PRKCE: variants seen among roughly 807,000 people sequenced by gnomAD.
PRKCE encodes protein kinase C epsilon.
PRKCE carries 16 observed loss-of-function variants against 85.4 expected under a neutral mutation model. The ratio of observed to expected loss-of-function variants is 0.19; its 90% CI spans 0.13 to 0.28. The LOEUF (loss-of-function observed/expected upper bound fraction) is 0.28, where lower values mean the gene tolerates loss of function less well. Among genes scored for constraint, PRKCE ranks in the 10% least tolerant of loss-of-function variants. PRKCE has a pLI of 1.00. For synonymous variants in PRKCE, 388 were observed against 371.5 expected (o/e 1.04, Z -0.51); for missense variants, 573 against 975.2 (o/e 0.59, Z 5.49).
At chr2:45,865,806 C>CTTCTTCTTT (rs1693547349) in intron 2 of PRKCE, among the ~76,000 whole-genome samples, 1 of 122,986 alleles carries the variant, frequency 8.1e-6, no homozygotes, top group Non-Finnish European at 1.7e-5. Flanking sequence ...TAAGTTTCTT[C>CTTCTTCTTT]TTCTTCTTCT....
intron 2 of PRKCE, among the ~76,000 whole-genome samples, chr2:45,942,977 T>C (rs1464901957): frequency 2.0e-5 from 3 of 152,240 alleles, no homozygotes; most frequent in African/African-American, 4.8e-5. Flanking sequence ...CTGCTGCTGT[T>C]CTTAATATAC....
intron 1 of PRKCE, among the ~76,000 whole-genome samples, chr2:45,748,734 G>A (rs1683326857): frequency 6.6e-6 from 1 of 152,162 alleles, no homozygotes; most frequent in Non-Finnish European, 1.5e-5. Context: ...GATTCAGGGG[G>A]AAGGGATGAT....
At position 45,934,889 on chromosome 2, in the gene PRKCE, CAA is replaced by C. The variant is rs35925836; in HGVS notation, c.413-41525_413-41524del. On this transcript the variant is annotated intron_variant, in intron 2 of 14. Transcript: ENST00000306156. ...GCAACATGGAGAGACCATGTCTCTA[CAA>C]AAAAAAAAAAAAAATTTAAATTAGC... 6.4e-5 allele frequency among the ~76,000 whole-genome samples: 7 copies of C among 108,858 alleles called. No homozygotes were observed. The East Asian group carries it at 1.8e-3, about 27-fold the overall frequency. 71.4% of individuals were successfully genotyped at this position (108,858 alleles called of 152,430 possible).
In PRKCE at chr2:46,159,954, C is replaced by T; in HGVS notation, c.2067+202C>T. ...ATTGAAAACATGTAACCTACTACAG[C>T]AGCACCCAAGATGATGATTTACGTG... On this transcript the variant is annotated intron_variant, in intron 14 of 14. Transcript: ENST00000306156. The surrounding 1 kb of genome is among the most constrained non-coding windows in gnomAD (Gnocchi z 4.1). 1.8e-6 allele frequency: 1 copy of T among 548,156 alleles called. No homozygotes were observed. The highest frequency in any genetic ancestry group is 3.1e-6 in the Non-Finnish European group (1 of 326,262). The allele number at this position is 548,156 out of a possible 1,614,324, so 34.0% of individuals were successfully genotyped here.
intron 14 of PRKCE, among the ~76,000 whole-genome samples, chr2:46,161,673 G>C (rs1166229802): frequency 6.6e-6 from 1 of 152,006 alleles, no homozygotes; most frequent in African/African-American, 2.4e-5. Flanking sequence ...GGAAGCCAGG[G>C]GGTTTTTATT....
At chr2:46,167,758 G>A (rs1156814959) in intron 14 of PRKCE, 2 of 113,082 alleles carry the variant, frequency 1.8e-5, no homozygotes, top group Non-Finnish European at 1.8e-5. Flanking sequence ...CCGCCCCCCG[G>A]TCCCCTGCTT....
chr2:45,990,553 C>T (rs1174241129), intron 6 of PRKCE, among the ~76,000 whole-genome samples: 1 of 152,222 alleles, frequency 6.6e-6, no homozygotes, highest in Non-Finnish European at 1.5e-5. Context: ...ATGGGGTCTA[C>T]CCTGACCACT....
At chr2:45,795,395 G>A (rs1252368966) in intron 1 of PRKCE, among the ~76,000 whole-genome samples, 6 of 152,024 alleles carry the variant, frequency 3.9e-5, no homozygotes, top group Non-Finnish European at 8.8e-5. Flanking sequence ...TGCAACCTCC[G>A]CCTCCCGGGT....
At chr2:45,899,880 T>A (rs1438101105) in intron 2 of PRKCE, among the ~76,000 whole-genome samples, 1 of 152,242 alleles carries the variant, frequency 6.6e-6, no homozygotes, top group East Asian at 1.9e-4. Context: ...TTTTCATTTC[T>A]TGGTTATATT....
chr2:46,147,489 A>C (rs950761460), intron 12 of PRKCE, among the ~76,000 whole-genome samples: 1 of 152,238 alleles, frequency 6.6e-6, no homozygotes, highest in Non-Finnish European at 1.5e-5. Flanking sequence ...CATGAAAAGC[A>C]GTCCATTGGT....
chr2:45,858,375 G>GT (rs5830876), intron 2 of PRKCE, among the ~76,000 whole-genome samples: 35,426 of 150,750 alleles, frequency 0.23, 4,995 homozygotes, highest in African/African-American at 0.4. Flanking sequence ...AAATGATGGG[G>GT]TTTTTTTTTG....
At chr2:45,902,575 A>G (rs1248286268) in intron 2 of PRKCE, among the ~76,000 whole-genome samples, 2 of 152,214 alleles carry the variant, frequency 1.3e-5, no homozygotes, top group Non-Finnish European at 2.9e-5. Flanking sequence ...GAAATGAGGA[A>G]CTGGCTGGAG....
intron 10 of PRKCE, among the ~76,000 whole-genome samples, chr2:46,031,665 G>T (rs1355085379): frequency 6.7e-6 from 1 of 148,386 alleles, no homozygotes; most frequent in Non-Finnish European, 1.5e-5. Flanking sequence ...AGAGTAAAAT[G>T]CTCATAAATG....
intron 10 of PRKCE, among the ~76,000 whole-genome samples, chr2:46,036,612 A>T (rs748586225): frequency 2.0e-5 from 3 of 152,024 alleles, no homozygotes; most frequent in Non-Finnish European, 2.9e-5. Context: ...GGGTATCTGG[A>T]CAAGGCAGGA....
At chr2:45,835,586 G>A (rs969907008) in intron 1 of PRKCE, among the ~76,000 whole-genome samples, 1 of 139,272 alleles carries the variant, frequency 7.2e-6, no homozygotes, top group East Asian at 2.1e-4. Flanking sequence ...GCATGTATCG[G>A]TAGTATATTT....
At chr2:46,118,339 G>A (rs1672977836) in intron 11 of PRKCE, among the ~76,000 whole-genome samples, 1 of 152,156 alleles carries the variant, frequency 6.6e-6, no homozygotes, top group Non-Finnish European at 1.5e-5. Context: ...ACCCAAAGTT[G>A]GCCAAAGAGC....
rs144465506 is a variant in PRKCE at position 45,772,495 on chromosome 2, G to T, written c.349-70505G>T. 5.4e-3 allele frequency among the ~76,000 whole-genome samples: 823 copies of T among 152,272 alleles called. 5 individuals are homozygous for T. The highest frequency in any genetic ancestry group is 0.018 in the African/African-American group (752 of 41,558). On this transcript the variant is annotated intron_variant, in intron 1 of 14. Coordinates refer to ENST00000306156, the MANE Select transcript of PRKCE (RefSeq NM_005400.3). Reference sequence around the variant, plus strand: ...CTCCTAGGAAATGCAGATTTTGTCAGCTTGCCATGATATTCATTGATCACT... The same window carrying T: ...CTCCTAGGAAATGCAGATTTTGTCATCTTGCCATGATATTCATTGATCACT...
chr2:46,080,261 C>T (rs1323996140), intron 10 of PRKCE, among the ~76,000 whole-genome samples: 1 of 152,136 alleles, frequency 6.6e-6, no homozygotes, highest in African/African-American at 2.4e-5. Flanking sequence ...ATTTGGAGGT[C>T]AGAAACAATG....
At chr2:45,725,956 G>T (rs1681037304) in intron 1 of PRKCE, among the ~76,000 whole-genome samples, 1 of 152,184 alleles carries the variant, frequency 6.6e-6, no homozygotes, top group African/African-American at 2.4e-5. Flanking sequence ...GGATGACTTT[G>T]TGGGTTTCAG....
Sources: gnomAD v4.1 joint callset for allele counts (sites outside exome capture counted in the v4.1 genomes callset) on GRCh38, gnomAD v4.1.1 for gene constraint, Gnocchi (gnomAD v3.1) non-coding constraint, MANE v1.5 for transcripts, NCBI Gene and HGNC (gene_info 2026-07-23, HGNC 2026-07-21) for gene names.